Variants in ANKRD36 observed in about 807,000 individuals in gnomAD.
ANKRD36 encodes the protein ankyrin repeat domain-containing protein 36A.
ANKRD36 carries 179 observed loss-of-function variants against 278.1 expected under a neutral mutation model. The observed-to-expected ratio is 0.64, with a 90% confidence interval of 0.57 to 0.73. The LOEUF (loss-of-function observed/expected upper bound fraction) is 0.73. ANKRD36 is among the 30% of genes least tolerant of loss of function. ANKRD36 has a pLI of 0.00. For missense variants in ANKRD36, 1,159 were observed against 1,956.7 expected, an observed-to-expected ratio of 0.59 and a Z score of 7.69; for synonymous variants, 320 against 641.1, an observed-to-expected ratio of 0.50 and a Z score of 7.57.
intron 3 of ANKRD36, among the ~76,000 whole-genome samples, chr2:97,122,028 G>A (rs1299513962): frequency 7.3e-6 from 1 of 137,326 alleles, no homozygotes; most frequent in Non-Finnish European, 1.6e-5. Flanking sequence ...TTCAGAGCCC[G>A]GCTCTCCGAA....
chr2:97,188,346 G>A (rs187305146), intron 32 of ANKRD36, among the ~76,000 whole-genome samples: 2 of 151,026 alleles, frequency 1.3e-5, no homozygotes, highest in East Asian at 3.9e-4. Context: ...TCTAATGCTT[G>A]TAGCAGTTTT....
At chr2:97,177,964 C>T (rs927431864) in intron 22 of ANKRD36, among the ~76,000 whole-genome samples, 29 of 148,814 alleles carry the variant, frequency 1.9e-4, no homozygotes, top group African/African-American at 6.6e-4. Context: ...CTACAATGAA[C>T]TCAAACAAAT....
chr2:97,197,141 C>T (rs1312603090), intron 42 of ANKRD36, among the ~76,000 whole-genome samples: 3 of 151,932 alleles, frequency 2.0e-5, no homozygotes, highest in African/African-American at 4.8e-5. Flanking sequence ...GACCTCACAT[C>T]ATACTGCTAA....
chr2:97,123,241 T>C (rs1034090977), intron 4 of ANKRD36, among the ~76,000 whole-genome samples: 5 of 150,750 alleles, frequency 3.3e-5, no homozygotes, highest in African/African-American at 1.2e-4. Flanking sequence ...GGCTTCTATA[T>C]ATAGAAAGCT....
chr2:97,192,918 G>GT lies in ANKRD36; in HGVS notation c.2376+34dup. On this transcript the variant is annotated intron_variant, in intron 37 of 75. Transcript: ENST00000420699. ...AAACACTCATTTATATTGTGAATGA[G>GT]TTAAGGTATGGTCTATGAAACATAC... The GT allele has an allele frequency of 3.1e-6, 5 of 1,602,640 alleles. 1 individual carries two copies. The highest frequency in any genetic ancestry group is 4.3e-6 in the Non-Finnish European group (5 of 1,176,264).
In ANKRD36 at chr2:97,177,436, G is replaced by T. The variant is rs544211177; in HGVS notation, c.1634-2302G>T. Among the ~76,000 whole-genome samples the T allele has an allele frequency of 3.0e-4, 45 of 151,902 alleles. No individual in the cohort carries two copies. The East Asian group carries it at 8.5e-3, about 29-fold the overall frequency. The stretch of plus-strand genomic sequence containing the variant: ...TACCTGACTTCAAACTATACTACAA[G>T]GCTACAGTAACCAAAACAGCATGGT... On this transcript the variant is annotated intron_variant, in intron 22 of 75. Transcript: ENST00000420699.
rs1347079445 is a variant in ANKRD36, at chr2:97,243,114, AT to A, written c.4308-731del. The stretch of plus-strand genomic sequence containing the variant: ...TTTGAAGAGATTTATTCTGAGCCAA[AT>A]ATGAGTGACCGTGGCCCCCGACACA... On this transcript the variant is annotated intron_variant, in intron 69 of 75. Transcript: ENST00000420699. Among the ~76,000 whole-genome samples, 8 of 138,118 alleles carry A rather than the reference AT, an allele frequency of 5.8e-5. 1 individual carries two copies. The highest frequency in any genetic ancestry group is 5.4e-4 in the Admixed American group (7 of 12,970). The allele number at this position is 138,118 out of a possible 152,430, so 90.6% of individuals were successfully genotyped here. A position where few individuals can be genotyped will look rare whatever the true frequency, so the allele number is the denominator to read the frequency against.
chr2:97,206,697 A>C (rs1279420812), intron 52 of ANKRD36, among the ~76,000 whole-genome samples: 1 of 151,430 alleles, frequency 6.6e-6, no homozygotes, highest in Non-Finnish European at 1.5e-5. Flanking sequence ...GGAATATTTT[A>C]ATAAAAAGTA....
At chr2:97,192,155 A>C (rs2058661016) in intron 36 of ANKRD36, among the ~76,000 whole-genome samples, 2 of 151,718 alleles carry the variant, frequency 1.3e-5, no homozygotes, top group South Asian at 2.1e-4. Flanking sequence ...CAAAATTGAT[A>C]ATTGATGATT....
chr2:97,258,106 GT>G (rs1290951689), intron 75 of ANKRD36, among the ~76,000 whole-genome samples: 2 of 142,392 alleles, frequency 1.4e-5, no homozygotes, highest in Non-Finnish European at 3.0e-5. Flanking sequence ...ACATGACTGT[GT>G]ATTACTGATA....
intron 22 of ANKRD36, among the ~76,000 whole-genome samples, chr2:97,177,843 A>G (rs1447842380): frequency 6.6e-6 from 1 of 151,950 alleles, no homozygotes; most frequent in African/African-American, 2.4e-5. Flanking sequence ...TAATTAAACT[A>G]AAGAGCTTCT....
chr2:97,167,961 G>T (rs1478010087), intron 22 of ANKRD36, among the ~76,000 whole-genome samples, 194 bp downstream of exon 22: 1 of 151,818 alleles, frequency 6.6e-6, no homozygotes, highest in African/African-American at 2.4e-5. Context: ...TTTTAAAAAT[G>T]TGAGCTCTAG....
rs1261989322 is a variant in ANKRD36 at position 97,189,345 on chromosome 2, C to T, written c.2245+55C>T. 2.9e-5 allele frequency: 19 copies of T among 661,490 alleles called. 7 individuals are homozygous for T. The highest frequency in any genetic ancestry group is 5.3e-6 in the Non-Finnish European group (2 of 379,218). The allele number at this position is 661,490 out of a possible 1,614,324, so 41.0% of individuals were successfully genotyped here. A position where few individuals can be genotyped will look rare whatever the true frequency, so the allele number is the denominator to read the frequency against. ...GTTCAATCCAGATAGAAAAGAACTT[C>T]TCTACCCCGAATAAATCAGCGGAGG... On this transcript the variant is annotated intron_variant, in intron 34 of 75. Transcript: ENST00000420699.
At chr2:97,226,839 C>T (rs530343604) in intron 67 of ANKRD36, among the ~76,000 whole-genome samples, 3,282 of 151,218 alleles carry the variant, frequency 0.022, 118 homozygotes, top group African/African-American at 0.076. Context: ...CAGCTTTCTA[C>T]ATATGGCTAG....
At chr2:97,142,173 T>C (rs2043077351) in intron 6 of ANKRD36, among the ~76,000 whole-genome samples, 1 of 152,300 alleles carries the variant, frequency 6.6e-6, no homozygotes, top group Non-Finnish European at 1.5e-5. Context: ...AGTGTCATCG[T>C]AATTGTGTAC....
chr2:97,144,118 TA>T (rs1395862818), intron 8 of ANKRD36, among the ~76,000 whole-genome samples: 4 of 152,166 alleles, frequency 2.6e-5, no homozygotes, highest in African/African-American at 9.6e-5. Context: ...TATAATGGTA[TA>T]AATCCCTCTG....
At position 97,178,881 on chromosome 2, in the gene ANKRD36, C is replaced by T. The variant is rs1293337300; in HGVS notation, c.1634-857C>T. On this transcript the variant is annotated intron_variant, in intron 22 of 75. Transcript: ENST00000420699. ...CTAGAGAATAACATGATACTTTAACCAGACTATTTTAGAAGTGAAAATAAT... is the reference window on the plus strand; with the variant it reads ...CTAGAGAATAACATGATACTTTAACTAGACTATTTTAGAAGTGAAAATAAT... Among the ~76,000 whole-genome samples the T allele has an allele frequency of 2.6e-5, 4 of 151,594 alleles. No individual in the cohort carries two copies. In the East Asian group the frequency reaches 7.8e-4, roughly 30 times the overall value.
chr2:97,170,733 A>G (rs148849801), intron 22 of ANKRD36, among the ~76,000 whole-genome samples: 89,159 of 151,440 alleles, frequency 0.59, 30,476 homozygotes, highest in Non-Finnish European at 0.78. Flanking sequence ...GCTTCTGCAC[A>G]GCAAAAGAAA....
At chr2:97,190,876 T>A (rs1429525792) in intron 34 of ANKRD36, 102 bp from the exon 35 acceptor site, 2 of 1,513,342 alleles carry the variant, frequency 1.3e-6, no homozygotes, top group African/African-American at 2.8e-5. Context: ...CCTACACTAG[T>A]ACAGGCAGAA....
Sources: allele counts gnomAD v4.1 joint callset (sites outside exome capture counted in the v4.1 genomes callset), GRCh38; gene constraint gnomAD v4.1.1; transcripts MANE v1.5; gene names NCBI Gene and HGNC (gene_info 2026-07-23, HGNC 2026-07-21).